OSBPL10: variants seen among roughly 807,000 people sequenced by gnomAD.
OSBPL10 encodes oxysterol binding protein like 10.
OSBPL10 carries 49 observed loss-of-function variants against 81.7 expected under a neutral mutation model. The ratio of observed to expected loss-of-function variants is 0.60; its 90% CI spans 0.48 to 0.76. OSBPL10 has a LOEUF of 0.76. Among genes scored for constraint, OSBPL10 ranks in the 30% least tolerant of loss-of-function variants. OSBPL10 has a pLI of 0.00. For synonymous variants in OSBPL10, 419 were observed against 383.6 expected (o/e 1.09, Z -1.08); for missense variants, 923 against 987.8 (o/e 0.93, Z 0.88).
intron 1 of OSBPL10, among the ~76,000 whole-genome samples, chr3:32,075,065 T>C (rs140320842): frequency 0.021 from 3,206 of 152,326 alleles, 53 homozygotes; most frequent in Middle Eastern, 0.071. Context: ...GACTTTCTGC[T>C]TCCACTATTG....
intron 6 of OSBPL10, among the ~76,000 whole-genome samples, chr3:31,730,779 C>T (rs768033739): frequency 2.0e-5 from 3 of 152,190 alleles, no homozygotes; most frequent in Non-Finnish European, 4.4e-5. Flanking sequence ...GAAGCCAGAA[C>T]CAGCAGAGGG....
chr3:31,968,653 T>C (rs1042959029), intron 1 of OSBPL10, among the ~76,000 whole-genome samples: 12 of 152,194 alleles, frequency 7.9e-5, no homozygotes, highest in African/African-American at 2.7e-4. Context: ...TTAATCAACA[T>C]GAGAAAGAAA....
chr3:32,047,568 G>A (rs376205723), intron 1 of OSBPL10, among the ~76,000 whole-genome samples: 2 of 152,050 alleles, frequency 1.3e-5, no homozygotes, highest in African/African-American at 4.8e-5. Flanking sequence ...TATAATTAGC[G>A]TATAATGAGA....
intron 1 of OSBPL10, among the ~76,000 whole-genome samples, chr3:31,927,721 C>A (rs572892235): frequency 1.3e-5 from 2 of 152,168 alleles, no homozygotes; most frequent in Non-Finnish European, 2.9e-5. Context: ...CTACCGCTGG[C>A]CTTCATGCCA....
intron 4 of OSBPL10, among the ~76,000 whole-genome samples, chr3:31,822,913 T>TAAAAAAAAAAAAAAAAAAAA (rs71097447): frequency 1.1e-5 from 1 of 89,146 alleles, no homozygotes; most frequent in African/African-American, 3.9e-5. Context: ...CCCCCAACTC[T>TAAAAAAAAAAAAAAAAAAAA]AAAAAAAAAA....
chr3:31,948,609 C>T, intron 1 of OSBPL10, among the ~76,000 whole-genome samples: 1 of 152,176 alleles, frequency 6.6e-6, no homozygotes, highest in South Asian at 2.1e-4. Flanking sequence ...TTTATGCTGA[C>T]TTTATAAAGT....
At chr3:31,825,011 T>C (rs1245675625) in intron 4 of OSBPL10, among the ~76,000 whole-genome samples, 1 of 151,996 alleles carries the variant, frequency 6.6e-6, no homozygotes, top group Non-Finnish European at 1.5e-5. Flanking sequence ...AAGTCCCCAG[T>C]GAGGACAAGA....
At chr3:31,876,817 T>G (rs997715522) in intron 2 of OSBPL10, among the ~76,000 whole-genome samples, 9 of 152,164 alleles carry the variant, frequency 5.9e-5, no homozygotes, top group African/African-American at 2.2e-4. Flanking sequence ...CTATAATACT[T>G]ATTTAAAAAG....
intron 1 of OSBPL10, among the ~76,000 whole-genome samples, chr3:31,880,590 G>C (rs960655441): frequency 6.6e-6 from 1 of 152,234 alleles, no homozygotes; most frequent in African/African-American, 2.4e-5. Flanking sequence ...CTTCACCTGA[G>C]CCTCAGATTC....
intron 4 of OSBPL10, chr3:31,794,836 G>A: frequency 2.7e-6 from 1 of 366,908 alleles, no homozygotes; most frequent in Non-Finnish European, 5.4e-6. Context: ...GAACAGGAGT[G>A]GGGCATGTGG....
chr3:32,012,975 A>G (rs1455395129), intron 2 of OSBPL10, among the ~76,000 whole-genome samples: 2 of 152,164 alleles, frequency 1.3e-5, no homozygotes, highest in African/African-American at 4.8e-5. Context: ...GAGACTTAAG[A>G]CTCCCACACA....
chr3:31,858,104 C>G (rs1485972463), intron 3 of OSBPL10, among the ~76,000 whole-genome samples: 1 of 151,514 alleles, frequency 6.6e-6, no homozygotes, highest in East Asian at 2.0e-4. Context: ...TTAAGCAATC[C>G]TGCCATCTCA....
intron 4 of OSBPL10, among the ~76,000 whole-genome samples, chr3:31,812,809 A>AGAAG (rs1559476511): frequency 1.7e-5 from 1 of 58,062 alleles, no homozygotes; most frequent in Non-Finnish European, 3.4e-5. Flanking sequence ...AAAGAAAGAA[A>AGAAG]GAAAGAAAGA....
intron 6 of OSBPL10, among the ~76,000 whole-genome samples, chr3:31,727,630 T>C (rs1461373945): frequency 6.6e-6 from 1 of 152,232 alleles, no homozygotes; most frequent in Non-Finnish European, 1.5e-5. Flanking sequence ...GTGATAGCTA[T>C]ACCTCACTCT....
At chr3:32,071,054 T>C (rs1024872749) in intron 1 of OSBPL10, among the ~76,000 whole-genome samples, 52 of 152,228 alleles carry the variant, frequency 3.4e-4, no homozygotes, top group Non-Finnish European at 1.5e-5. Flanking sequence ...CCTTCTACTT[T>C]GTAGCCCCTC....
intron 6 of OSBPL10, chr3:31,708,772 G>C (rs1696157750): frequency 1.0e-6 from 1 of 985,310 alleles, no homozygotes; most frequent in African/African-American, 1.7e-5. Flanking sequence ...CTTTTTGGTG[G>C]CTGTGTCTAA....
At chr3:31,952,495 G>T (rs1697896655) in intron 1 of OSBPL10, among the ~76,000 whole-genome samples, 1 of 152,166 alleles carries the variant, frequency 6.6e-6, no homozygotes, top group Admixed American at 6.5e-5. Flanking sequence ...CTTCTTCCTA[G>T]CCCACCAGCA....
chr3:31,690,025 G>A (rs1695481367), intron 7 of OSBPL10, among the ~76,000 whole-genome samples: 1 of 152,132 alleles, frequency 6.6e-6, no homozygotes, highest in Non-Finnish European at 1.5e-5. Flanking sequence ...GAAGAAGGGA[G>A]AAGAAATGCA....
At chr3:31,868,991 A>G (rs1330237305) in intron 3 of OSBPL10, among the ~76,000 whole-genome samples, 1 of 152,228 alleles carries the variant, frequency 6.6e-6, no homozygotes, top group Non-Finnish European at 1.5e-5. Flanking sequence ...CGAATGGATT[A>G]AAAAGCAAAG....
Sources: allele counts gnomAD v4.1 joint callset (sites outside exome capture counted in the v4.1 genomes callset), GRCh38; gene constraint gnomAD v4.1.1; transcripts MANE v1.5; gene names NCBI Gene and HGNC (gene_info 2026-07-23, HGNC 2026-07-21).